The following CPLX2 variants were observed in gnomAD, a reference collection of about 807,000 sequenced individuals.
The protein encoded by CPLX2 is complexin 2, also known as complexin-2.
In CPLX2, 5 loss-of-function variants were observed where a neutral mutation model predicts 16.3. The observed-to-expected ratio is 0.31, with a 90% CI of 0.16 to 0.64. The LOEUF (loss-of-function observed/expected upper bound fraction) is 0.64. Among genes scored for constraint, CPLX2 ranks in the 30% least tolerant of loss-of-function variants. The pLI, the probability that CPLX2 is intolerant of heterozygous loss-of-function variation, is 0.79. For synonymous variants in CPLX2, 89 were observed against 73.2 expected (o/e 1.22, Z -1.10); for missense variants, 144 against 181.4 (o/e 0.79, Z 1.18).
At chr5:175,846,095 C>G (rs996087130) in intron 2 of CPLX2, among the ~76,000 whole-genome samples, 5 of 152,092 alleles carry the variant, frequency 3.3e-5, no homozygotes, top group Non-Finnish European at 4.4e-5. Flanking sequence ...TGGCAGGTCT[C>G]CACTTCTGGC....
At position 175,880,065 on chromosome 5, in the gene CPLX2, C is replaced by G; in HGVS notation, c.*20C>G. On this transcript the variant is annotated 3_prime_UTR_variant, in exon 4 of 4. Transcript: ENST00000393745. ...AAGTAACCAGGCCTCCTGCCCCAGC[C>G]TACTCCACCTGTTACTACTTCTTTT... The G allele has an allele frequency of 6.2e-7, 1 of 1,603,028 alleles. No individual in the cohort carries two copies. Among genetic ancestry groups the G allele is most frequent in the Non-Finnish European group, 8.5e-7 (1 of 1,174,242 alleles).
At chr5:175,826,285 G>A (rs1045062823) in intron 2 of CPLX2, among the ~76,000 whole-genome samples, 1 of 152,132 alleles carries the variant, frequency 6.6e-6, no homozygotes, top group Admixed American at 6.5e-5. Context: ...TGCAAAGATG[G>A]GACCACATGA....
intron 2 of CPLX2, among the ~76,000 whole-genome samples, chr5:175,819,527 T>C (rs919174267): frequency 6.6e-6 from 1 of 152,228 alleles, no homozygotes. Flanking sequence ...TCCTAGCCAT[T>C]TGGACATCCT....
intron 2 of CPLX2, among the ~76,000 whole-genome samples, chr5:175,841,183 T>C (rs1329442543): frequency 6.6e-6 from 1 of 152,104 alleles, no homozygotes; most frequent in Non-Finnish European, 1.5e-5. Context: ...ATACATACCC[T>C]CTGGTGAGCT....
Position 175,823,415 on chromosome 5 carries a change from G to A in CPLX2, c.-89+14347G>A, listed in dbSNP as rs540783383. ...GTGGTGGAGCGTATGAACGATGGAC[G>A]ATTGGTTGGATAATGAGTGGATGAA... On this transcript the variant is annotated intron_variant, in intron 2 of 4. Transcript: ENST00000359546. 3.0e-4 allele frequency among the ~76,000 whole-genome samples: 45 copies of A among 152,268 alleles called. No individual in the cohort carries two copies. The South Asian group carries it at 8.9e-3, about 30-fold the overall frequency.
At chr5:175,848,157 C>G (rs1759085147) in intron 2 of CPLX2, among the ~76,000 whole-genome samples, 1 of 152,148 alleles carries the variant, frequency 6.6e-6, no homozygotes, top group South Asian at 2.1e-4. Flanking sequence ...CAGAGCCCAT[C>G]ATACCTATAA....
intron 2 of CPLX2, among the ~76,000 whole-genome samples, chr5:175,834,699 C>T (rs1758793852): frequency 6.6e-6 from 1 of 152,124 alleles, no homozygotes; most frequent in African/African-American, 2.4e-5. Flanking sequence ...ACGGTGAAAC[C>T]TGGTCTCTAC....
intron 2 of CPLX2, among the ~76,000 whole-genome samples, chr5:175,812,848 A>G (rs759634365): frequency 6.6e-6 from 1 of 152,202 alleles, no homozygotes; most frequent in Non-Finnish European, 1.5e-5. Context: ...TCTGTTGTAT[A>G]TGTTGGATTT....
intron 1 of CPLX2, among the ~76,000 whole-genome samples, chr5:175,877,257 C>T (rs1441389496): frequency 6.9e-6 from 1 of 144,814 alleles, no homozygotes; most frequent in Non-Finnish European, 1.5e-5. Context: ...TCATGACTTT[C>T]TCTTCCCAAA....
chr5:175,870,615 TAAAACAAAAC>T (rs10577446), upstream of CPLX2, among the ~76,000 whole-genome samples: 3 of 150,734 alleles, frequency 2.0e-5, no homozygotes, highest in African/African-American at 7.3e-5. Context: ...GTGAGAGTAA[TAAAACAAAAC>T]AAAACAAAAC....
chr5:175,810,425 G>C (rs1036693710), intron 2 of CPLX2, among the ~76,000 whole-genome samples: 2 of 152,200 alleles, frequency 1.3e-5, no homozygotes, highest in Non-Finnish European at 1.5e-5. Flanking sequence ...TCACTGAGGA[G>C]CTTCTCATCT....
intron 2 of CPLX2, among the ~76,000 whole-genome samples, chr5:175,835,782 A>T (rs1758821633): frequency 8.5e-6 from 1 of 118,152 alleles, no homozygotes; most frequent in South Asian, 2.9e-4. Flanking sequence ...TCTGTCGCCC[A>T]GGCTGGAGTG....
At position 175,849,219 on chromosome 5, in the gene CPLX2, T is replaced by C. The variant is rs1759107079; in HGVS notation, c.-88-29433T>C. Among the ~76,000 whole-genome samples, 2 of 152,152 alleles carry C rather than the reference T, an allele frequency of 1.3e-5. No individual in the cohort carries two copies. Among genetic ancestry groups the C allele is most frequent in the Non-Finnish European group, 2.9e-5 (2 of 68,002 alleles). ...GAGCACAAAACAGTCAGTTTGCTTG[T>C]TTGGGTGGCACTGACCTGTCCATTG... On this transcript the variant is annotated intron_variant, in intron 2 of 4. Transcript: ENST00000359546. This position sits in a 1 kb window ranked among gnomAD's most constrained non-coding sequence, Gnocchi z 4.4.
rs566723030 is a variant in CPLX2 at position 175,849,601 on chromosome 5, G to A, written c.-88-29051G>A. Among the ~76,000 whole-genome samples, 14 of 152,322 alleles carry A rather than the reference G, an allele frequency of 9.2e-5. No homozygotes were observed. In the South Asian group the frequency reaches 2.5e-3, roughly 27 times the overall value. On this transcript the variant is annotated intron_variant, in intron 2 of 4. Transcript: ENST00000359546. This position sits in a 1 kb window ranked among gnomAD's most constrained non-coding sequence, Gnocchi z 4.4. ...GGACAGGGGACCACACTGGCTGGGGGAGCCTTCTCAGGGAGAGAAGAGGAG... is the reference window on the plus strand; with the variant it reads ...GGACAGGGGACCACACTGGCTGGGGAAGCCTTCTCAGGGAGAGAAGAGGAG...
rs551938502 is a variant in CPLX2 at position 175,845,076 on chromosome 5, G to A, written c.-88-33576G>A. ...GGCAGGCCCAGATGGTGACCCAAGA[G>A]AGCCTTCCGTGCCCATGGAAGCACT... On this transcript the variant is annotated intron_variant, in intron 2 of 4. Coordinates refer to the CPLX2 transcript ENST00000359546. The surrounding 1 kb of genome is among the most constrained non-coding windows in gnomAD (Gnocchi z 4.0). Among the ~76,000 whole-genome samples the A allele has an allele frequency of 6.6e-6, 1 of 152,200 alleles. No homozygotes were observed.
chr5:175,867,413 G>T (rs1759497430), upstream of CPLX2, among the ~76,000 whole-genome samples: 3 of 151,998 alleles, frequency 2.0e-5, no homozygotes, highest in Non-Finnish European at 4.4e-5. Flanking sequence ...GGCATTACTG[G>T]CTGACAGCAA....
upstream of CPLX2, among the ~76,000 whole-genome samples, chr5:175,870,823 A>G (rs1244479926): frequency 3.3e-5 from 5 of 152,182 alleles, no homozygotes; most frequent in Non-Finnish European, 5.9e-5. Context: ...TGGCTTGCCT[A>G]AGGTCCACTG....
In CPLX2 at chr5:175,882,554, GTGT is replaced by G. The variant is rs1160767548; in HGVS notation, c.*2511_*2513del. On this transcript the variant is annotated 3_prime_UTR_variant, in exon 4 of 4. Coordinates refer to ENST00000393745, the MANE Select transcript of CPLX2 (RefSeq NM_001008220.2). The stretch of plus-strand genomic sequence containing the variant: ...CCCAGACCTTCAGAGGGCTGCCCTG[GTGT>G]TCTCCACAGTGCAGTCCCTCTGTAT... 1 of 152,718 alleles carries G rather than the reference GTGT, an allele frequency of 6.5e-6. No homozygotes were observed. The highest frequency in any genetic ancestry group is 1.5e-5 in the Non-Finnish European group (1 of 68,082). 9.5% of individuals were successfully genotyped at this position (152,718 alleles called of 1,614,324 possible).
At chr5:175,871,425 G>GAGAGAGAGAGAA (rs1759596919), upstream of CPLX2, 3 of 108,066 alleles carry the variant, frequency 2.8e-5, no homozygotes, top group African/African-American at 1.1e-4. Flanking sequence ...GAGAGAGAGA[G>GAGAGAGAGAGAA]AGAGAGACAG....
Sources: gnomAD v4.1 joint callset for allele counts (sites outside exome capture counted in the v4.1 genomes callset) on GRCh38, gnomAD v4.1.1 for gene constraint, Gnocchi (gnomAD v3.1) non-coding constraint, MANE v1.5 for transcripts, NCBI Gene and HGNC (gene_info 2026-07-23, HGNC 2026-07-21) for gene names.